Variants in CNBD1 observed in about 807,000 individuals in gnomAD.
CNBD1 encodes the protein cyclic nucleotide binding domain containing 1, also known as cyclic nucleotide-binding domain-containing protein 1.
Under a neutral mutation model 54.4 loss-of-function variants are expected in CNBD1, and 71 were observed. The ratio of observed to expected loss-of-function variants is 1.30; its 90% CI spans 1.08 to 1.59. The LOEUF (loss-of-function observed/expected upper bound fraction) is 1.59. Among genes scored for constraint, CNBD1 ranks in the 40% most tolerant of loss-of-function variants. The pLI is 0.00. For missense variants in CNBD1, 659 were observed against 518.0 expected, an observed-to-expected ratio of 1.27 and a Z score of -2.64; for synonymous variants, 182 against 170.7, an observed-to-expected ratio of 1.07 and a Z score of -0.51.
At position 87,163,598 on chromosome 8, in the gene CNBD1, TTC is replaced by T. The variant is rs1158729470; in HGVS notation, c.432-42393_432-42392del. Reference sequence around the variant, plus strand: ...TGTTGTAATTGACATTTTTTAAAATTTCTTTTTTTCAGATATTTTGTTAGTGT... The same window carrying T: ...TGTTGTAATTGACATTTTTTAAAATTTTTTTTTCAGATATTTTGTTAGTGT... On this transcript the variant is annotated intron_variant, in intron 4 of 10. Coordinates refer to ENST00000518476, the MANE Select transcript of CNBD1 (RefSeq NM_173538.3). The surrounding 1 kb of genome is among the most constrained non-coding windows in gnomAD (Gnocchi z 4.5). Among the ~76,000 whole-genome samples, 6 of 151,890 alleles carry T rather than the reference TTC, an allele frequency of 4.0e-5. No individual in the cohort carries two copies. Among genetic ancestry groups the T allele is most frequent in the African/African-American group, 1.4e-4 (6 of 41,432 alleles).
At chr8:87,257,605 G>A (rs1263256444) in intron 6 of CNBD1, among the ~76,000 whole-genome samples, 2 of 152,036 alleles carry the variant, frequency 1.3e-5, no homozygotes, top group Non-Finnish European at 2.9e-5. Flanking sequence ...AATAGCAGAA[G>A]CTTTAAGGAC....
chr8:87,118,183 C>A (rs1470338215), intron 4 of CNBD1, among the ~76,000 whole-genome samples: 1 of 151,754 alleles, frequency 6.6e-6, no homozygotes, highest in East Asian at 1.9e-4. Flanking sequence ...GGCGTGGTGG[C>A]ATGCACCTGT....
chr8:87,353,584 TC>T (rs1232757204), intron 9 of CNBD1, 51 bp from the exon 10 acceptor site: 18 of 1,181,570 alleles, frequency 1.5e-5, no homozygotes, highest in Admixed American at 2.3e-5. Flanking sequence ...CAATACTGAT[TC>T]ATTATATGGA....
At chr8:86,989,706 C>G (rs959434407) in intron 4 of CNBD1, among the ~76,000 whole-genome samples, 74 of 152,184 alleles carry the variant, frequency 4.9e-4, no homozygotes, top group African/African-American at 1.6e-3. Flanking sequence ...CCACCTCGGC[C>G]TCCCAAAGTG....
At chr8:86,931,898 T>C (rs753150927) in intron 3 of CNBD1, among the ~76,000 whole-genome samples, 3 of 152,186 alleles carry the variant, frequency 2.0e-5, no homozygotes, top group Non-Finnish European at 2.9e-5. Context: ...ATGGTGGACA[T>C]CATTGAATAA....
rs557003527 is a variant in CNBD1, at chr8:87,080,350, G to A, written c.432-125643G>A. 2.6e-3 allele frequency among the ~76,000 whole-genome samples: 402 copies of A among 152,108 alleles called. 1 individual carries two copies. Among genetic ancestry groups the A allele is most frequent in the African/African-American group, 9.3e-3 (387 of 41,494 alleles). The stretch of plus-strand genomic sequence containing the variant: ...TGTAATCCCAGCACTTTGGGAGGCC[G>A]AGGCAGGTGGATGACAAGGTCAGGA... On this transcript the variant is annotated intron_variant, in intron 4 of 10. Transcript: ENST00000518476.
intron 5 of CNBD1, among the ~76,000 whole-genome samples, chr8:87,224,104 G>C (rs1814416369): frequency 6.6e-6 from 1 of 151,526 alleles, no homozygotes; most frequent in Non-Finnish European, 1.5e-5. Context: ...TTTTTTTCTT[G>C]TAAATTTGTT....
chr8:87,004,687 G>A (rs1344306675), intron 4 of CNBD1, among the ~76,000 whole-genome samples: 1 of 152,028 alleles, frequency 6.6e-6, no homozygotes, highest in Non-Finnish European at 1.5e-5. Flanking sequence ...ACGCTATCTA[G>A]GAGTTGTTTC....
chr8:87,383,781 AG>A (rs1174221101), downstream of CNBD1, among the ~76,000 whole-genome samples: 2 of 152,156 alleles, frequency 1.3e-5, no homozygotes, highest in Non-Finnish European at 2.9e-5. Flanking sequence ...CTTTGTTTTA[AG>A]GAAACACAAC....
chr8:87,370,350 T>G (rs1810752022), intron 10 of CNBD1, among the ~76,000 whole-genome samples: 1 of 152,180 alleles, frequency 6.6e-6, no homozygotes, highest in Non-Finnish European at 1.5e-5. Flanking sequence ...ATCAACAGTG[T>G]AAAAGTGTTC....
chr8:87,093,378 T>A (rs1291689572), intron 4 of CNBD1, among the ~76,000 whole-genome samples: 1 of 152,090 alleles, frequency 6.6e-6, no homozygotes, highest in Non-Finnish European at 1.5e-5. Context: ...GTGAGAGAGC[T>A]GTGTGTTGAG....
intron 4 of CNBD1, among the ~76,000 whole-genome samples, chr8:87,142,688 G>T (rs1471374075): frequency 1.3e-5 from 2 of 152,080 alleles, no homozygotes; most frequent in African/African-American, 2.4e-5. Flanking sequence ...TAATCAGTTT[G>T]TGATATCTTA....
At chr8:87,210,805 C>A (rs1814080899) in intron 5 of CNBD1, among the ~76,000 whole-genome samples, 1 of 152,132 alleles carries the variant, frequency 6.6e-6, no homozygotes, top group African/African-American at 2.4e-5. Context: ...TCACAGAGAA[C>A]CTCTACTAGG....
chr8:87,281,477 T>TA (rs1808595258), intron 6 of CNBD1, among the ~76,000 whole-genome samples: 1 of 147,438 alleles, frequency 6.8e-6, no homozygotes, highest in Non-Finnish European at 1.5e-5. Flanking sequence ...GTTCATTTTT[T>TA]AAAAAACGAT....
intron 4 of CNBD1, among the ~76,000 whole-genome samples, chr8:87,128,555 C>A (rs1024262051): frequency 6.6e-6 from 1 of 152,134 alleles, no homozygotes; most frequent in East Asian, 1.9e-4. Context: ...TTTTCTTTTG[C>A]TAGTTTGTTG....
chr8:87,217,094 G>A (rs1047825726), intron 5 of CNBD1, among the ~76,000 whole-genome samples: 3 of 152,022 alleles, frequency 2.0e-5, no homozygotes, highest in East Asian at 1.9e-4. Flanking sequence ...TCTTTTAAAT[G>A]TCTGCAAAAT....
chr8:87,387,772 G>A (rs1193894309), downstream of CNBD1, among the ~76,000 whole-genome samples: 3 of 152,124 alleles, frequency 2.0e-5, no homozygotes, highest in East Asian at 5.8e-4. Context: ...GACATCTACA[G>A]AACTCTCCAT....
chr8:87,316,082 G>A (rs566496976), intron 8 of CNBD1, among the ~76,000 whole-genome samples: 2 of 151,954 alleles, frequency 1.3e-5, no homozygotes, highest in Admixed American at 1.3e-4. Flanking sequence ...TTAGCCAAAA[G>A]GCTGAGAAGT....
intron 4 of CNBD1, among the ~76,000 whole-genome samples, chr8:87,073,476 G>A (rs1390875469): frequency 6.6e-6 from 1 of 152,036 alleles, no homozygotes; most frequent in Non-Finnish European, 1.5e-5. Context: ...CTTTGAATAA[G>A]GTTTTCATGA....
Sources: gnomAD v4.1 joint callset for allele counts (sites outside exome capture counted in the v4.1 genomes callset) on GRCh38, gnomAD v4.1.1 for gene constraint, Gnocchi (gnomAD v3.1) non-coding constraint, MANE v1.5 for transcripts, NCBI Gene and HGNC (gene_info 2026-07-23, HGNC 2026-07-21) for gene names.